The following CLMN variants were observed in gnomAD, a reference collection of about 807,000 sequenced individuals.
CLMN encodes the protein calmin.
A neutral mutation model predicts 92.7 loss-of-function variants in CLMN; 57 were observed. The observed-to-expected ratio is 0.61, with a 90% CI of 0.50 to 0.77. The LOEUF is 0.77. CLMN is among the 30% of genes least tolerant of loss of function. The pLI is 0.00. For synonymous variants in CLMN, 466 were observed against 470.6 expected (o/e 0.99, Z 0.13); for missense variants, 1,158 against 1,237.5 (o/e 0.94, Z 0.96).
At chr14:95,245,829 T>C (rs1215261719) in intron 1 of CLMN, among the ~76,000 whole-genome samples, 1 of 146,636 alleles carries the variant, frequency 6.8e-6, no homozygotes, top group Admixed American at 6.7e-5. Flanking sequence ...GATGGATGGA[T>C]AGGTGGGTGG....
chr14:95,210,718 G>A lies in CLMN; in HGVS notation c.770C>T (p.Ala257Val), dbSNP rs374926969. Reference protein sequence around the residue: ...LEKAFSIAQDALHIPRLLEPE... With the variant: ...LEKAFSIAQDVLHIPRLLEPE... ...CTCCAGGAGCCTGGGGATGTGCAGG[G>A]CATCCTGTGCGATGCTGAAAGCCTT... Residue 257 changes from alanine to valine, a missense_variant, in exon 7 of 13, where the codon GCC (alanine) becomes GTC (valine). By Grantham distance (64) the Ala-to-Val change is moderately conservative. Transcript: ENST00000298912. The A allele has an allele frequency of 8.1e-6, 13 of 1,608,576 alleles. No individual in the cohort carries two copies. The highest frequency in any genetic ancestry group is 1.3e-5 in the African/African-American group (1 of 74,220).
chr14:95,199,937 G>A (rs1340034367), intron 9 of CLMN, among the ~76,000 whole-genome samples: 1 of 152,072 alleles, frequency 6.6e-6, no homozygotes, highest in African/African-American at 2.4e-5. Flanking sequence ...AAGAGTCTTG[G>A]AGTTCATGCT....
intron 1 of CLMN, among the ~76,000 whole-genome samples, chr14:95,253,235 T>C (rs781764545): frequency 6.6e-6 from 1 of 152,204 alleles, no homozygotes; most frequent in Non-Finnish European, 1.5e-5. Flanking sequence ...TGGAGTTCTT[T>C]CTATAAATTA....
At chr14:95,290,955 G>A (rs1475163098) in intron 1 of CLMN, among the ~76,000 whole-genome samples, 2 of 152,190 alleles carry the variant, frequency 1.3e-5, no homozygotes, top group African/African-American at 4.8e-5. Context: ...TGTGCTTGCA[G>A]CAGAGATGAC....
intron 12 of CLMN, 71 bp downstream of exon 12, chr14:95,193,778 T>C (rs1281226298): frequency 6.3e-7 from 1 of 1,581,046 alleles, no homozygotes; most frequent in Non-Finnish European, 8.6e-7. Flanking sequence ...TAACCACCCC[T>C]GTAAGGCAGG....
At chr14:95,248,643 T>A (rs1275939564) in intron 1 of CLMN, among the ~76,000 whole-genome samples, 1 of 152,202 alleles carries the variant, frequency 6.6e-6, no homozygotes. Context: ...GCCTGCCACC[T>A]TGGAGGGTCC....
intron 1 of CLMN, among the ~76,000 whole-genome samples, chr14:95,235,302 G>A (rs1010675736): frequency 1.3e-4 from 20 of 152,200 alleles, no homozygotes; most frequent in Admixed American, 2.0e-4. Context: ...CACTGGGGCC[G>A]GGGCCTGGGA....
At position 95,183,185 on chromosome 14, in the gene CLMN, T is replaced by C. The variant is rs879826728; in HGVS notation, c.*8379A>G. 1 of 152,220 alleles carries C rather than the reference T, an allele frequency of 6.6e-6. No homozygotes were observed. The allele number at this position is 152,220 out of a possible 1,614,324, so 9.4% of individuals were successfully genotyped here. A position where few individuals can be genotyped will look rare whatever the true frequency, so the allele number is the denominator to read the frequency against. ...CCACAGCTAGGACGTGGGTTCTCCA[T>C]ACCCATACCAGTGTTGGCCTGCTTT... On this transcript the variant is annotated 3_prime_UTR_variant, in exon 13 of 13. Transcript: ENST00000298912.
chr14:95,193,115 C>A, intron 12 of CLMN: 1 of 531,334 alleles, frequency 1.9e-6, no homozygotes, highest in Non-Finnish European at 3.3e-6. Flanking sequence ...CCTTCCAAGC[C>A]AATTCAAATC....
At chr14:95,292,428 TCCCCCACCCCCACCCCCA>T (rs61159767) in intron 1 of CLMN, among the ~76,000 whole-genome samples, 3 of 74,058 alleles carry the variant, frequency 4.1e-5, no homozygotes, top group African/African-American at 1.0e-4. Context: ...CCCCCAAGGG[TCCCCCACCCCCACCCCCA>T]CCCCCACCTC....
intron 1 of CLMN, among the ~76,000 whole-genome samples, chr14:95,299,551 T>C (rs1478650116): frequency 1.3e-5 from 2 of 152,086 alleles, no homozygotes; most frequent in African/African-American, 4.8e-5. Flanking sequence ...CACAATGCAG[T>C]GGGGAGACAG....
chr14:95,288,858 A>G (rs1022835395), intron 1 of CLMN, among the ~76,000 whole-genome samples: 6 of 152,222 alleles, frequency 3.9e-5, no homozygotes, highest in African/African-American at 1.4e-4. Flanking sequence ...ACAAAGGAAT[A>G]CTACACAGCA....
chr14:95,245,192 A>AT (rs1898433142), intron 1 of CLMN, among the ~76,000 whole-genome samples: 3 of 38,108 alleles, frequency 7.9e-5, no homozygotes, highest in African/African-American at 1.2e-4. Flanking sequence ...ATATATATAT[A>AT]TAATATATAT....
chr14:95,286,263 G>A (rs1017713686), intron 1 of CLMN, among the ~76,000 whole-genome samples: 7 of 152,202 alleles, frequency 4.6e-5, no homozygotes, highest in Non-Finnish European at 8.8e-5. Context: ...GGAAGATGGA[G>A]AGGCAAGAGG....
chr14:95,187,514 A>G lies in CLMN; in HGVS notation c.*4050T>C, dbSNP rs1312177791. On this transcript the variant is annotated 3_prime_UTR_variant, in exon 13 of 13. Transcript: ENST00000298912. ...ATTGGAATAGGAGGGATGGGGTGAG[A>G]CATGGGGCTGAAGACCAGGGCATTT... 1 of 152,160 alleles carries G rather than the reference A, an allele frequency of 6.6e-6. No individual in the cohort carries two copies. Among genetic ancestry groups the G allele is most frequent in the African/African-American group, 2.4e-5 (1 of 41,424 alleles). The allele number at this position is 152,160 out of a possible 1,614,324, so 9.4% of individuals were successfully genotyped here.
At chr14:95,202,761 A>T in intron 9 of CLMN, 77 bp downstream of exon 9, 1 of 1,421,244 alleles carries the variant, frequency 7.0e-7, no homozygotes, top group Non-Finnish European at 9.4e-7. Flanking sequence ...TTATGGAGCA[A>T]GAAGCTGAGC....
intron 1 of CLMN, among the ~76,000 whole-genome samples, chr14:95,310,841 C>T (rs1023174495): frequency 1.3e-5 from 2 of 152,186 alleles, no homozygotes; most frequent in African/African-American, 4.8e-5. Flanking sequence ...TGGGCAAACC[C>T]GGAAGACACC....
In CLMN at chr14:95,186,599, T is replaced by A. The variant is rs1277223084; in HGVS notation, c.*4965A>T. 1.3e-5 allele frequency: 2 copies of A among 152,306 alleles called. No homozygotes were observed. Among genetic ancestry groups the A allele is most frequent in the Admixed American group, 1.3e-4 (2 of 15,292 alleles). 9.4% of individuals were successfully genotyped at this position (152,306 alleles called of 1,614,324 possible). On this transcript the variant is annotated 3_prime_UTR_variant, in exon 13 of 13. Transcript: ENST00000298912. ...CTTTATTTTTGAGACAGCGTCTCGC[T>A]CTGTCACTCAGGTGGAGTAAAATAG...
At chr14:95,223,136 T>C (rs1897601643) in intron 3 of CLMN, among the ~76,000 whole-genome samples, 1 of 152,224 alleles carries the variant, frequency 6.6e-6, no homozygotes, top group Non-Finnish European at 1.5e-5. Flanking sequence ...GATACTGTTG[T>C]TTAGCAGTTA....
Sources: gnomAD v4.1 joint callset for allele counts (sites outside exome capture counted in the v4.1 genomes callset) on GRCh38, gnomAD v4.1.1 for gene constraint, MANE v1.5 for transcripts, NCBI Gene and HGNC (gene_info 2026-07-23, HGNC 2026-07-21) for gene names.